Variants in MAST1 observed in about 807,000 individuals in gnomAD.
MAST1 encodes microtubule associated serine/threonine kinase 1, also known as microtubule-associated serine/threonine-protein kinase 1.
MAST1 carries 40 observed loss-of-function variants against 124.6 expected under a neutral mutation model. The observed-to-expected ratio is 0.32, with a 90% CI of 0.25 to 0.42. The LOEUF is 0.42. MAST1 is among the 10% of genes least tolerant of loss of function. MAST1 has a pLI of 1.00. For missense variants in MAST1, 1,558 were observed against 2,181.9 expected (o/e 0.71, Z 5.70); for synonymous variants, 938 against 939.4 (o/e 1.00, Z 0.03).
Position 12,858,692 on chromosome 19 carries a change from C to T in MAST1, c.1319C>T (p.Ser440Phe), listed in dbSNP as rs924446281. ...CCGTTTGTGGTCGGCATGTTCTGCT[C>T]CTTTGAGACTCGGCGCCACCTCTGC... The part of the protein sequence containing the change: ...ENPFVVGMFC[S>F]FETRRHLCMV... Residue 440 changes from serine to phenylalanine, a missense_variant, in exon 12 of 26, where the codon TCC becomes TTC. Physicochemically the swap from Ser to Phe is radical, Grantham distance 155. Coordinates refer to ENST00000251472, the MANE Select transcript of MAST1 (RefSeq NM_014975.3). 2 of 1,614,242 alleles carry T rather than the reference C, an allele frequency of 1.2e-6. No individual in the cohort carries two copies. Among genetic ancestry groups the T allele is most frequent in the Non-Finnish European group, 1.7e-6 (2 of 1,180,042 alleles).
At position 12,838,690 on chromosome 19, in the gene MAST1, C is replaced by T; in HGVS notation, c.83+35C>T. The T allele has an allele frequency of 6.3e-7, 1 of 1,594,168 alleles. No homozygotes were observed. Among genetic ancestry groups the T allele is most frequent in the Non-Finnish European group, 8.6e-7 (1 of 1,167,680 alleles). On this transcript the variant is annotated intron_variant, in intron 1 of 25. Transcript: ENST00000251472. This position sits in a 1 kb window ranked among gnomAD's most constrained non-coding sequence, Gnocchi z 4.3. ...CGATCCCCTAGACATTGTCCCGGCCCTCCCCGCAAAAGCCGCCGCTCCGGG... is the reference window on the plus strand; with the variant it reads ...CGATCCCCTAGACATTGTCCCGGCCTTCCCCGCAAAAGCCGCCGCTCCGGG...
At chr19:12,867,384 G>T in intron 18 of MAST1, 90 bp from the exon 19 acceptor site, 1 of 1,488,488 alleles carries the variant, frequency 6.7e-7, no homozygotes, top group Non-Finnish European at 9.3e-7. Flanking sequence ...GGTGGAGTGC[G>T]TTTTGCGGGG....
rs1969914483 is a variant in MAST1 at position 12,847,839 on chromosome 19, C to T, written c.565-9C>T. On this transcript the variant is annotated splice_polypyrimidine_tract_variant and intron_variant, in intron 6 of 25. Coordinates refer to ENST00000251472, the MANE Select transcript of MAST1 (RefSeq NM_014975.3). This position sits in a 1 kb window ranked among gnomAD's most constrained non-coding sequence, Gnocchi z 5.5. ...ACAGCCCCGCGCCCCTCCTCCGTCCCTCCCGCAGGCCACTGCGCAGATGGA... is the reference window on the plus strand; with the variant it reads ...ACAGCCCCGCGCCCCTCCTCCGTCCTTCCCGCAGGCCACTGCGCAGATGGA... 1.9e-6 allele frequency: 3 copies of T among 1,605,514 alleles called. No homozygotes were observed. The highest frequency in any genetic ancestry group is 1.3e-5 in the African/African-American group (1 of 74,750).
chr19:12,847,512 G>C lies in MAST1; in HGVS notation c.488+62G>C, dbSNP rs1195374689. 6.2e-7 allele frequency: 1 copy of C among 1,610,552 alleles called. No homozygotes were observed. Among genetic ancestry groups the C allele is most frequent in the Non-Finnish European group, 8.5e-7 (1 of 1,177,912 alleles). On this transcript the variant is annotated intron_variant, in intron 5 of 25. Transcript: ENST00000251472. The surrounding 1 kb of genome is among the most constrained non-coding windows in gnomAD (Gnocchi z 5.5). ...TGGTCTTAGGACTTGTGCTTAGAGA[G>C]ACCCCTGTCCCCGCGAATAAAAGGG...
chr19:12,840,948 G>A (rs1333659732), intron 2 of MAST1, 43 bp from the exon 3 acceptor site: 4 of 802,084 alleles, frequency 5.0e-6, no homozygotes, highest in African/African-American at 1.7e-5. Context: ...CCGCTTTAGG[G>A]AACGAGAGAC....
chr19:12,862,728 C>T (rs1377869022), intron 12 of MAST1, among the ~76,000 whole-genome samples: 2 of 149,274 alleles, frequency 1.3e-5, no homozygotes, highest in Non-Finnish European at 3.0e-5. Flanking sequence ...AGTGCAATGA[C>T]GTGATCTTGG....
At chr19:12,855,893 G>T (rs995177515) in intron 10 of MAST1, among the ~76,000 whole-genome samples, 6 of 150,944 alleles carry the variant, frequency 4.0e-5, no homozygotes, top group Non-Finnish European at 8.8e-5. Flanking sequence ...GTTTCTGAGA[G>T]AAATGTGAAA....
intron 12 of MAST1, among the ~76,000 whole-genome samples, chr19:12,863,913 T>C (rs1256521122): frequency 6.7e-6 from 1 of 149,894 alleles, no homozygotes; most frequent in Non-Finnish European, 1.5e-5. Flanking sequence ...GAAACTCGTT[T>C]CTACAAAAAA....
At chr19:12,856,742 A>G (rs1203979476) in intron 10 of MAST1, among the ~76,000 whole-genome samples, 1 of 152,202 alleles carries the variant, frequency 6.6e-6, no homozygotes, top group African/African-American at 2.4e-5. Context: ...ATGTTTCTTT[A>G]TCTAACTACC....
At chr19:12,853,340 T>C (rs1969985358) in intron 10 of MAST1, among the ~76,000 whole-genome samples, 1 of 150,816 alleles carries the variant, frequency 6.6e-6, no homozygotes, top group South Asian at 2.2e-4. Context: ...CCCAGCACTT[T>C]GGGAGGCCAA....
intron 7 of MAST1, among the ~76,000 whole-genome samples, chr19:12,850,096 C>A (rs1389999268): frequency 1.3e-5 from 2 of 152,160 alleles, no homozygotes; most frequent in Admixed American, 1.3e-4. Flanking sequence ...CCATGCCTGG[C>A]CCCCACCAAT....
At chr19:12,873,550 G>C (rs375653107) in intron 25 of MAST1, 39 bp downstream of exon 25, 26 of 1,583,822 alleles carry the variant, frequency 1.6e-5, no homozygotes, top group Non-Finnish European at 1.2e-5. Context: ...CGAGCAGCGC[G>C]GGGTGGCCTG....
chr19:12,867,323 G>T, intron 18 of MAST1, 151 bp from the exon 19 acceptor site: 1 of 857,690 alleles, frequency 1.2e-6, no homozygotes, highest in Non-Finnish European at 1.9e-6. Flanking sequence ...CTGAACTGAA[G>T]AATTGTAGGT....
Position 12,858,556 on chromosome 19 carries a change from G to A in MAST1, c.1183G>A (p.Asp395Asn), listed in dbSNP as rs1186199925. ...CGCTGTCTACCTGGTGCGGCACCGC[G>A]ACACGCGGCAGCGCTTTGCCATGAA... ...YGAVYLVRHR[D>N]TRQRFAMKKI... is the part of the protein sequence containing the mutation. The change falls in exon 12 of 26, where the codon GAC (aspartate) becomes AAC (asparagine). Residue 395 changes from aspartate to asparagine, a missense_variant. This residue lies in a region of MAST1 where 136 missense variants were observed against 160.9 expected (regional missense o/e 0.85). Coordinates refer to ENST00000251472, the MANE Select transcript of MAST1 (RefSeq NM_014975.3). 3 of 1,614,136 alleles carry A rather than the reference G, an allele frequency of 1.9e-6. No individual in the cohort carries two copies. Among genetic ancestry groups the A allele is most frequent in the African/African-American group, 2.7e-5 (2 of 74,950 alleles).
At position 12,864,845 on chromosome 19, in the gene MAST1, C is replaced by T. The variant is rs762788729; in HGVS notation, c.1403C>T (p.Ala468Val). 1 of 1,613,982 alleles carries T rather than the reference C, an allele frequency of 6.2e-7. No homozygotes were observed. The highest frequency in any genetic ancestry group is 8.5e-7 in the Non-Finnish European group (1 of 1,180,030). ...GCCACCCTGCTGAAGAATATTGGAG[C>T]GCTGCCCGTAGAGATGGCCCGCATG... ...DCATLLKNIG[A>V]LPVEMARMYF... The change falls in exon 13 of 26, where the codon GCG (alanine) becomes GTG (valine). Residue 468 changes from alanine to valine, a missense_variant. Physicochemically the swap from Ala to Val is moderately conservative, Grantham distance 64. Transcript: ENST00000251472.
chr19:12,846,739 G>A (rs141476304), intron 4 of MAST1, among the ~76,000 whole-genome samples: 6 of 152,116 alleles, frequency 3.9e-5, no homozygotes, highest in East Asian at 1.9e-4. Context: ...TTAGCCAGGC[G>A]TGGTGACAGG....
In MAST1 at chr19:12,858,392, G is replaced by T; in HGVS notation, c.1108G>T (p.Gly370Trp). The T allele has an allele frequency of 6.2e-7, 1 of 1,614,016 alleles. No individual in the cohort carries two copies. The highest frequency in any genetic ancestry group is 8.5e-7 in the Non-Finnish European group (1 of 1,179,978). Reference sequence around the variant, plus strand: ...CAGCAGCAAGGCCAAGAAACCGCCGGGGGAGAATGACTTCGATACCATCAA... The same window carrying T: ...CAGCAGCAAGGCCAAGAAACCGCCGTGGGAGAATGACTTCGATACCATCAA... ...GRSSKAKKPP[G>W]ENDFDTIKLI... The change falls in exon 11 of 26, where the codon GGG (glycine) becomes TGG (tryptophan). Residue 370 changes from glycine to tryptophan, a missense_variant. Physicochemically the swap from Gly to Trp is radical, Grantham distance 184. Coordinates refer to ENST00000251472, the MANE Select transcript of MAST1 (RefSeq NM_014975.3).
chr19:12,853,666 G>A (rs937753008), intron 10 of MAST1, among the ~76,000 whole-genome samples: 10 of 151,956 alleles, frequency 6.6e-5, no homozygotes, highest in African/African-American at 1.5e-4. Context: ...TCAGGAATTC[G>A]AAACCAGCCT....
chr19:12,868,060 T>A (rs1239099553), intron 20 of MAST1, 83 bp downstream of exon 20: 3 of 1,424,240 alleles, frequency 2.1e-6, no homozygotes, highest in Admixed American at 5.4e-5. Flanking sequence ...AGCCTGGTGC[T>A]GTTTATGAAA....
Sources: allele counts gnomAD v4.1 joint callset (sites outside exome capture counted in the v4.1 genomes callset), GRCh38; gene constraint gnomAD v4.1.1; regional missense constraint gnomAD v4.1.1; non-coding constraint Gnocchi (gnomAD v3.1); transcripts MANE v1.5; gene names NCBI Gene and HGNC (gene_info 2026-07-23, HGNC 2026-07-21).